The following PEX7 variants were observed in gnomAD, a reference collection of about 807,000 sequenced individuals.
The protein encoded by PEX7 is PTS2 receptor.
PEX7 carries 34 observed loss-of-function variants against 47.5 expected under a neutral mutation model. The ratio of observed to expected loss-of-function variants is 0.72; its 90% CI spans 0.54 to 0.95. The LOEUF is 0.95. Ranked by LOEUF, PEX7 falls within the 40% of genes least tolerant of loss-of-function variation. The pLI, the probability that PEX7 is intolerant of heterozygous loss-of-function variation, is 0.00. For synonymous variants in PEX7, 141 were observed against 148.8 expected, an observed-to-expected ratio of 0.95 and a Z score of 0.38; for missense variants, 394 against 400.3, an observed-to-expected ratio of 0.98 and a Z score of 0.13.
At chr6:136,873,424 G>A (rs1435322941) in intron 8 of PEX7, among the ~76,000 whole-genome samples, 1 of 152,108 alleles carries the variant, frequency 6.6e-6, no homozygotes, top group Non-Finnish European at 1.5e-5. Context: ...GTAAACATAT[G>A]TAGTTTTGTT....
chr6:136,878,339 A>G (rs979512933), intron 8 of PEX7, among the ~76,000 whole-genome samples: 1 of 152,194 alleles, frequency 6.6e-6, no homozygotes, highest in South Asian at 2.1e-4. Context: ...TTCCAATACT[A>G]TGTTGAATAG....
At chr6:136,842,466 T>C (rs1011116089) in intron 3 of PEX7, among the ~76,000 whole-genome samples, 3 of 152,336 alleles carry the variant, frequency 2.0e-5, no homozygotes, top group Admixed American at 2.0e-4. Context: ...TGATTCAGGC[T>C]GGATTCTCTT....
intron 8 of PEX7, among the ~76,000 whole-genome samples, chr6:136,888,707 C>T (rs1233048285): frequency 2.0e-5 from 3 of 152,018 alleles, no homozygotes; most frequent in Non-Finnish European, 4.4e-5. Flanking sequence ...ATGCTAAGTA[C>T]ATGTTTATAA....
chr6:136,844,306 G>A (rs556999516), intron 3 of PEX7, among the ~76,000 whole-genome samples: 1 of 152,222 alleles, frequency 6.6e-6, no homozygotes, highest in African/African-American at 2.4e-5. Flanking sequence ...GGAGGTCATC[G>A]CTGCAGTGAG....
intron 3 of PEX7, among the ~76,000 whole-genome samples, chr6:136,828,270 G>A (rs1424119869): frequency 2.6e-5 from 4 of 152,136 alleles, no homozygotes; most frequent in African/African-American, 9.7e-5. Flanking sequence ...TAAAATAAAT[G>A]TATGTACCAG....
At chr6:136,858,238 G>C (rs1048954467) in intron 5 of PEX7, among the ~76,000 whole-genome samples, 1 of 152,220 alleles carries the variant, frequency 6.6e-6, no homozygotes, top group African/African-American at 2.4e-5. Flanking sequence ...AGTCTAAGCT[G>C]CTGCCTTATG....
chr6:136,838,891 A>T (rs1774443064), intron 3 of PEX7, among the ~76,000 whole-genome samples: 1 of 152,160 alleles, frequency 6.6e-6, no homozygotes, highest in African/African-American at 2.4e-5. Context: ...CTGAAAATTT[A>T]AGTTTCAGGG....
At chr6:136,838,611 T>C (rs772879593) in intron 3 of PEX7, among the ~76,000 whole-genome samples, 4 of 152,176 alleles carry the variant, frequency 2.6e-5, no homozygotes, top group Non-Finnish European at 5.9e-5. Flanking sequence ...TTAAATGATA[T>C]TAAGTAGCCA....
At chr6:136,869,703 A>G (rs531842405) in intron 6 of PEX7, among the ~76,000 whole-genome samples, 187 bp from the exon 7 acceptor site, 3 of 152,250 alleles carry the variant, frequency 2.0e-5, no homozygotes, top group Middle Eastern at 3.4e-3. Flanking sequence ...CTCACAAGTC[A>G]TATTAGTTTT....
chr6:136,832,053 ACTG>A (rs1451216936), intron 3 of PEX7, among the ~76,000 whole-genome samples: 3 of 152,240 alleles, frequency 2.0e-5, no homozygotes, highest in Admixed American at 1.3e-4. Flanking sequence ...TTCCTTCTGT[ACTG>A]CCCTAGCAAA....
chr6:136,908,358 G>A (rs928101874), intron 9 of PEX7, among the ~76,000 whole-genome samples: 24 of 152,040 alleles, frequency 1.6e-4, no homozygotes, highest in Non-Finnish European at 2.2e-4. Flanking sequence ...TACTACCCTA[G>A]TAGATAGCAT....
At chr6:136,912,333 T>C (rs1298342966) in intron 9 of PEX7, among the ~76,000 whole-genome samples, 1 of 152,176 alleles carries the variant, frequency 6.6e-6, no homozygotes, top group Non-Finnish European at 1.5e-5. Flanking sequence ...TTCCTTTTTT[T>C]TTTTCTGAAA....
At chr6:136,872,331 A>G (rs1322830287) in intron 8 of PEX7, 78 bp downstream of exon 8, 1 of 1,021,438 alleles carries the variant, frequency 9.8e-7, no homozygotes, top group East Asian at 2.4e-5. Context: ...AAGAGATAAT[A>G]TGATTACTCT....
In PEX7 at chr6:136,868,745, C is replaced by T. The variant is rs532515039; in HGVS notation, c.634-1145C>T. Among the ~76,000 whole-genome samples the T allele has an allele frequency of 1.1e-4, 17 of 148,490 alleles. No individual in the cohort carries two copies. In the East Asian group the frequency reaches 2.0e-3, roughly 17 times the overall value. On this transcript the variant is annotated intron_variant, in intron 6 of 9. Coordinates refer to ENST00000318471, the MANE Select transcript of PEX7 (RefSeq NM_000288.4). Reference sequence around the variant, plus strand: ...ATGGCAAAAACTGCAACTACTTTTGCGCCAACTTAAATCCATTGCTGTTCT... The same window carrying T: ...ATGGCAAAAACTGCAACTACTTTTGTGCCAACTTAAATCCATTGCTGTTCT...
At chr6:136,865,333 T>C (rs1170841911) in intron 5 of PEX7, among the ~76,000 whole-genome samples, 1 of 152,138 alleles carries the variant, frequency 6.6e-6, no homozygotes, top group South Asian at 2.1e-4. Flanking sequence ...AATTTCACTC[T>C]TGTTGTCTGG....
intron 9 of PEX7, among the ~76,000 whole-genome samples, chr6:136,907,220 GATTA>G (rs1775859955): frequency 6.6e-6 from 1 of 152,074 alleles, no homozygotes; most frequent in Non-Finnish European, 1.5e-5. Flanking sequence ...ATACACAGTG[GATTA>G]ATGTCAACCA....
At chr6:136,908,940 C>T (rs1305383071) in intron 9 of PEX7, among the ~76,000 whole-genome samples, 1 of 152,172 alleles carries the variant, frequency 6.6e-6, no homozygotes, top group East Asian at 1.9e-4. Flanking sequence ...ATACTACTTC[C>T]ACCTGAAAGC....
At chr6:136,825,368 A>G (rs558638509) in intron 2 of PEX7, 97 bp downstream of exon 2, 3 of 1,038,544 alleles carry the variant, frequency 2.9e-6, no homozygotes, top group African/African-American at 3.2e-5. Flanking sequence ...AATATACAGT[A>G]TAAAAGGAAC....
rs989526981 is a variant in PEX7 at position 136,913,758 on chromosome 6, A to G, written c.*232A>G. On this transcript the variant is annotated 3_prime_UTR_variant, in exon 10 of 10. Coordinates refer to ENST00000318471, the MANE Select transcript of PEX7 (RefSeq NM_000288.4). ...TCTAAGAAATAATTAATGTTATGAT[A>G]TATCTTGTAGTATCTATTAAAATGT... 26 of 524,268 alleles carry G rather than the reference A, an allele frequency of 5.0e-5. No homozygotes were observed. Among genetic ancestry groups the G allele is most frequent in the African/African-American group, 3.3e-4 (16 of 48,600 alleles). The allele number at this position is 524,268 out of a possible 1,614,324, so 32.5% of individuals were successfully genotyped here. A position where few individuals can be genotyped will look rare whatever the true frequency, so the allele number is the denominator to read the frequency against.
Sources: gnomAD v4.1 joint callset for allele counts (sites outside exome capture counted in the v4.1 genomes callset) on GRCh38, gnomAD v4.1.1 for gene constraint, MANE v1.5 for transcripts, NCBI Gene and HGNC (gene_info 2026-07-23, HGNC 2026-07-21) for gene names.